Variants in KMT2E observed in about 807,000 individuals in gnomAD.
KMT2E encodes the protein histone reader KMT2E.
KMT2E carries 30 observed loss-of-function variants against 184.6 expected under a neutral mutation model. The ratio of observed to expected loss-of-function variants is 0.16; its 90% CI spans 0.12 to 0.22. KMT2E has a LOEUF of 0.22. KMT2E is among the 10% of genes least tolerant of loss of function. The pLI, the probability that KMT2E is intolerant of heterozygous loss-of-function variation, is 1.00. For missense variants in KMT2E, 2,023 were observed against 2,237.4 expected, an observed-to-expected ratio of 0.90 and a Z score of 1.93; for synonymous variants, 815 against 776.5, an observed-to-expected ratio of 1.05 and a Z score of -0.82.
Position 105,070,953 on chromosome 7 carries a change from C to T in KMT2E, c.498-2666C>T, listed in dbSNP as rs138682790. ...AAATATATAAAGGAAAGTATTCTGT[C>T]ACTCTAAAGTCAAATATGTAAAGCA... On this transcript the variant is annotated intron_variant, in intron 6 of 26. Transcript: ENST00000311117. Among the ~76,000 whole-genome samples the T allele has an allele frequency of 2.8e-3, 425 of 152,256 alleles. 1 individual carries two copies. The highest frequency in any genetic ancestry group is 4.7e-3 in the Non-Finnish European group (319 of 68,028).
chr7:105,025,423 C>T (rs1562875629), intron 1 of KMT2E, among the ~76,000 whole-genome samples: 1 of 152,088 alleles, frequency 6.6e-6, no homozygotes, highest in African/African-American at 2.4e-5. Flanking sequence ...AAATCTCTGA[C>T]TTCTGTGTGT....
At chr7:105,053,627 C>CT (rs1193482688) in intron 3 of KMT2E, among the ~76,000 whole-genome samples, 2 of 152,104 alleles carry the variant, frequency 1.3e-5, no homozygotes, top group African/African-American at 4.8e-5. Context: ...AATCCCATCA[C>CT]TTTGAGAGAT....
intron 1 of KMT2E, among the ~76,000 whole-genome samples, chr7:105,029,483 T>C (rs1795314283): frequency 6.6e-6 from 1 of 152,160 alleles, no homozygotes; most frequent in Admixed American, 6.5e-5. Context: ...TTCCATTCTT[T>C]AGAGACAAAT....
At chr7:105,025,851 T>C (rs1299014431) in intron 1 of KMT2E, among the ~76,000 whole-genome samples, 1 of 152,168 alleles carries the variant, frequency 6.6e-6, no homozygotes, top group East Asian at 1.9e-4. Context: ...GTGGGCAAGA[T>C]GACTAAAAGA....
intron 4 of KMT2E, 61 bp from the exon 5 acceptor site, chr7:105,063,290 T>C: frequency 8.3e-7 from 1 of 1,203,846 alleles, no homozygotes; most frequent in Non-Finnish European, 1.2e-6. Flanking sequence ...TTTAAGTTGC[T>C]TGGTTTATAT....
At chr7:105,059,447 G>A (rs1796702032) in intron 3 of KMT2E, among the ~76,000 whole-genome samples, 1 of 152,164 alleles carries the variant, frequency 6.6e-6, no homozygotes, top group East Asian at 1.9e-4. Context: ...GGTAGTATCA[G>A]TTTTATGTAC....
intron 9 of KMT2E, 125 bp downstream of exon 9, chr7:105,076,206 A>T: frequency 1.5e-6 from 1 of 656,254 alleles, no homozygotes; most frequent in Non-Finnish European, 2.6e-6. Flanking sequence ...TATTATCTTT[A>T]CCAGGAGTGG....
Position 105,107,869 on chromosome 7 carries a change from A to G in KMT2E, c.3412A>G (p.Asn1138Asp). 9 of 1,614,120 alleles carry G rather than the reference A, an allele frequency of 5.6e-6. No homozygotes were observed. Among genetic ancestry groups the G allele is most frequent in the Non-Finnish European group, 6.8e-6 (8 of 1,180,002 alleles). Residue 1138 changes from asparagine (N) to aspartate (D), a missense_variant, in exon 22 of 27, where the codon AAT (asparagine) becomes GAT (aspartate). Asn to Asp is a conservative substitution (Grantham distance 23). Around this residue, in one of 8 missense-constraint regions of KMT2E, gnomAD observed 1,108 missense variants for 1,050.9 expected, o/e 1.05. Coordinates refer to ENST00000311117, the MANE Select transcript of KMT2E (RefSeq NM_182931.3). ...TGTATCTGGTTTCGGACGGACTGTTAATGACAATTTGATCGACGGGAATTG... is the reference window on the plus strand; with the variant it reads ...TGTATCTGGTTTCGGACGGACTGTTGATGACAATTTGATCGACGGGAATTG... ...GLVSGFGRTV[N>D]DNLIDGNCTP...
chr7:105,054,494 A>G (rs955107109), intron 3 of KMT2E, among the ~76,000 whole-genome samples: 20 of 150,200 alleles, frequency 1.3e-4, no homozygotes, highest in Admixed American at 9.3e-4. Context: ...CTATCTATCT[A>G]TCTATCTATC....
chr7:105,090,509 C>T (rs920578922), intron 14 of KMT2E, among the ~76,000 whole-genome samples: 1 of 152,134 alleles, frequency 6.6e-6, no homozygotes, highest in Non-Finnish European at 1.5e-5. Flanking sequence ...ACAAGATTTT[C>T]CTAAGACTAG....
At chr7:105,071,580 GTGTATATATATATATA>G (rs141094296) in intron 6 of KMT2E, among the ~76,000 whole-genome samples, 1,234 of 64,864 alleles carry the variant, frequency 0.019, 54 homozygotes, top group Middle Eastern at 0.042. Context: ...GTATGTGTGT[GTGTATATATATATATA>G]TATATATATA....
At chr7:105,072,047 C>G (rs527265991) in intron 6 of KMT2E, among the ~76,000 whole-genome samples, 8 of 152,032 alleles carry the variant, frequency 5.3e-5, no homozygotes, top group African/African-American at 1.9e-4. Context: ...CGCGGTGGCT[C>G]ACACCTGTAA....
chr7:105,027,694 A>G (rs904255309), intron 1 of KMT2E, among the ~76,000 whole-genome samples: 1 of 152,052 alleles, frequency 6.6e-6, no homozygotes, highest in African/African-American at 2.4e-5. Flanking sequence ...TTCTATTTAC[A>G]TTACTGTATG....
Position 105,090,283 on chromosome 7 carries a change from T to C in KMT2E, c.1623+10T>C. 1 of 1,570,662 alleles carries C rather than the reference T, an allele frequency of 6.4e-7. No homozygotes were observed. Among genetic ancestry groups the C allele is most frequent in the Non-Finnish European group, 8.6e-7 (1 of 1,164,562 alleles). On this transcript the variant is annotated intron_variant, in intron 14 of 26. Transcript: ENST00000311117. ...AGTATCAAATAATCAGGTACTGAACTCTGCTCTCAATGAAATTGAATAAAC... is the reference window on the plus strand; with the variant it reads ...AGTATCAAATAATCAGGTACTGAACCCTGCTCTCAATGAAATTGAATAAAC...
At chr7:105,057,263 G>A (rs980992301) in intron 3 of KMT2E, among the ~76,000 whole-genome samples, 1 of 152,164 alleles carries the variant, frequency 6.6e-6, no homozygotes. Flanking sequence ...AGTGTATAGA[G>A]ATTCTAAATG....
intron 15 of KMT2E, among the ~76,000 whole-genome samples, chr7:105,094,598 C>T (rs897085410): frequency 2.0e-5 from 3 of 152,172 alleles, no homozygotes; most frequent in African/African-American, 4.8e-5. Flanking sequence ...CACCTAGACT[C>T]GGTATCATGT....
In KMT2E at chr7:105,105,428, C is replaced by T. The variant is rs1218314378; in HGVS notation, c.2197-11C>T. On this transcript the variant is annotated splice_polypyrimidine_tract_variant and intron_variant, in intron 17 of 26. Transcript: ENST00000311117. Reference sequence around the variant, plus strand: ...ACATATATAATGATCCAATTTTTTTCTTTTCTCTAGCACTTGGTTAATGAA... The same window carrying T: ...ACATATATAATGATCCAATTTTTTTTTTTTCTCTAGCACTTGGTTAATGAA... 2.1e-5 allele frequency: 32 copies of T among 1,551,974 alleles called. No individual in the cohort carries two copies. Among genetic ancestry groups the T allele is most frequent in the Admixed American group, 1.3e-4 (6 of 45,674 alleles).
chr7:105,065,794 G>A (rs903071403), intron 5 of KMT2E, among the ~76,000 whole-genome samples: 8 of 152,152 alleles, frequency 5.3e-5, no homozygotes, highest in African/African-American at 1.9e-4. Flanking sequence ...GGATAAGGGG[G>A]AAGCTACTGT....
chr7:105,104,531 T>C (rs1798807631), intron 17 of KMT2E: 1 of 151,402 alleles, frequency 6.6e-6, no homozygotes, highest in African/African-American at 2.4e-5. Context: ...CTACAGAAAA[T>C]TAAAAACAAA....
Sources: gnomAD v4.1 joint callset for allele counts (sites outside exome capture counted in the v4.1 genomes callset) on GRCh38, gnomAD v4.1.1 for gene constraint, gnomAD v4.1.1 regional missense constraint, MANE v1.5 for transcripts, NCBI Gene and HGNC (gene_info 2026-07-23, HGNC 2026-07-21) for gene names.